The following WNK1 variants were observed in gnomAD, a reference collection of about 807,000 sequenced individuals.
WNK1 encodes serine/threonine-protein kinase WNK1.
WNK1 carries 38 observed loss-of-function variants against 222.8 expected under a neutral mutation model. That is an observed-to-expected ratio of 0.17 (90% CI 0.13 to 0.22). The LOEUF is 0.22. Among genes scored for constraint, WNK1 ranks in the 10% least tolerant of loss-of-function variants. The pLI is 1.00. For missense variants in WNK1, 2,348 were observed against 2,918.4 expected (o/e 0.80, Z 4.50); for synonymous variants, 1,090 against 1,092.9 (o/e 1.00, Z 0.05).
At chr12:756,568 A>G (rs535620899) in intron 1 of WNK1, among the ~76,000 whole-genome samples, 1 of 152,288 alleles carries the variant, frequency 6.6e-6, no homozygotes, top group South Asian at 2.1e-4. Context: ...CTTCCATGTT[A>G]TTTGTCTGTG....
At position 863,966 on chromosome 12, in the gene WNK1, C is replaced by T. The variant is rs867116901; in HGVS notation, c.2139+1696C>T. Among the ~76,000 whole-genome samples, 10 of 152,080 alleles carry T rather than the reference C, an allele frequency of 6.6e-5. 1 individual carries two copies. In the South Asian group the frequency reaches 1.5e-3, roughly 22 times the overall value. The stretch of plus-strand genomic sequence containing the variant: ...CAGATTTGGCCCAAAGCATTCTACA[C>T]AGCCAAGTTTTGGAAATGAAAACAT... On this transcript the variant is annotated intron_variant, in intron 8 of 27. Coordinates refer to ENST00000315939, the MANE Select transcript of WNK1 (RefSeq NM_018979.4).
At chr12:803,030 AAG>A (rs1946034398) in intron 1 of WNK1, among the ~76,000 whole-genome samples, 1 of 152,252 alleles carries the variant, frequency 6.6e-6, no homozygotes, top group Non-Finnish European at 1.5e-5. Flanking sequence ...TCACACAAAA[AAG>A]AAAAAAGAAT....
intron 11 of WNK1, 71 bp from the exon 12 acceptor site, chr12:880,650 C>A: frequency 7.4e-7 from 1 of 1,353,694 alleles, no homozygotes; most frequent in Non-Finnish European, 1.0e-6. Context: ...TTTTTTTTTG[C>A]ATGTCTTGCT....
chr12:837,467 G>A (rs1352039969), intron 4 of WNK1, among the ~76,000 whole-genome samples: 4 of 151,722 alleles, frequency 2.6e-5, no homozygotes, highest in Non-Finnish European at 5.9e-5. Flanking sequence ...CCAGCTACTA[G>A]GGAGGCTGAG....
chr12:878,022 G>T, intron 9 of WNK1, 190 bp from the exon 10 acceptor site: 1 of 689,790 alleles, frequency 1.4e-6, no homozygotes, highest in South Asian at 1.9e-5. Flanking sequence ...TTTCCTGGTG[G>T]CACCATCACA....
intron 8 of WNK1, among the ~76,000 whole-genome samples, chr12:870,066 G>A (rs1158885288): frequency 6.6e-6 from 1 of 152,124 alleles, no homozygotes; most frequent in Non-Finnish European, 1.5e-5. Context: ...AGAAGACTAT[G>A]CAGTTATATA....
Position 878,367 on chromosome 12 carries a change from CTTTTT to C in WNK1, c.2373+17_2373+21del. The C allele has an allele frequency of 6.8e-7, 1 of 1,463,752 alleles. No homozygotes were observed. Among genetic ancestry groups the C allele is most frequent in the South Asian group, 1.2e-5 (1 of 85,500 alleles). 90.7% of individuals were successfully genotyped at this position (1,463,752 alleles called of 1,614,324 possible). ...AAGTATCAGCTGGAAAACAGGTAAACTTTTTTTTTTTTTTTAAACAGGTAAACTCT... is the reference window on the plus strand; with the variant it reads ...AAGTATCAGCTGGAAAACAGGTAAACTTTTTTTTTTAAACAGGTAAACTCT... On this transcript the variant is annotated splice_region_variant and intron_variant, in intron 10 of 27. Transcript: ENST00000315939.
intron 26 of WNK1, among the ~76,000 whole-genome samples, chr12:902,113 A>G (rs1181421537): frequency 6.6e-6 from 1 of 151,748 alleles, no homozygotes; most frequent in Non-Finnish European, 1.5e-5. Context: ...ACCCTGGGCA[A>G]CATGGTGATA....
intron 22 of WNK1, among the ~76,000 whole-genome samples, chr12:891,200 A>G (rs998663532): frequency 1.3e-5 from 2 of 152,144 alleles, no homozygotes; most frequent in African/African-American, 4.8e-5. Flanking sequence ...GTGCAGTGGC[A>G]TCATCTCGAC....
intron 1 of WNK1, among the ~76,000 whole-genome samples, chr12:762,355 T>C (rs1941140781): frequency 1.4e-5 from 2 of 147,896 alleles, no homozygotes; most frequent in Non-Finnish European, 3.0e-5. Flanking sequence ...TCCTCACGTA[T>C]AGTTTAAGTC....
intron 12 of WNK1, 70 bp from the exon 13 acceptor site, chr12:881,619 TAAG>T: frequency 7.9e-7 from 1 of 1,263,308 alleles, no homozygotes; most frequent in Non-Finnish European, 1.2e-6. Context: ...AGGAAAAAAA[TAAG>T]TAGATTATTG....
intron 1 of WNK1, among the ~76,000 whole-genome samples, chr12:772,503 A>T (rs1395954061): frequency 6.6e-6 from 1 of 152,072 alleles, no homozygotes; most frequent in Non-Finnish European, 1.5e-5. Flanking sequence ...CAGCGTAATT[A>T]TGTGTATACA....
At position 885,630 on chromosome 12, in the gene WNK1, A is replaced by G. The variant is rs775933163; in HGVS notation, c.4826A>G (p.Asn1609Ser). The G allele has an allele frequency of 4.3e-5, 70 of 1,614,008 alleles. No individual in the cohort carries two copies. The highest frequency in any genetic ancestry group is 1.6e-4 in the Middle Eastern group (1 of 6,082). The change falls in exon 19 of 28, where the codon AAT becomes AGT. Residue 1609 changes from asparagine to serine, a missense_variant. Coordinates refer to ENST00000315939, the MANE Select transcript of WNK1 (RefSeq NM_018979.4). ...CCACCCTTGGTACAGCCTGTTGCCA[A>G]TGTGCCTGCTGTACAGCAGACACTA... Reference protein sequence around the residue: ...SIPPLVQPVANVPAVQQTLIH... With the variant: ...SIPPLVQPVASVPAVQQTLIH...
At chr12:808,753 A>C (rs1050950270) in intron 1 of WNK1, among the ~76,000 whole-genome samples, 1 of 133,390 alleles carries the variant, frequency 7.5e-6, no homozygotes, top group Non-Finnish European at 1.6e-5. Context: ...AGAAAACTGT[A>C]TCTCTCTCTT....
chr12:876,725 T>A (rs1952648369), intron 9 of WNK1, among the ~76,000 whole-genome samples: 1 of 152,178 alleles, frequency 6.6e-6, no homozygotes, highest in Non-Finnish European at 1.5e-5. Context: ...ACAACCAAAG[T>A]GTTTATCATT....
chr12:766,715 G>A (rs1941746111), intron 1 of WNK1, among the ~76,000 whole-genome samples: 1 of 152,052 alleles, frequency 6.6e-6, no homozygotes, highest in Admixed American at 6.6e-5. Flanking sequence ...CTGACCTCAT[G>A]ATCCGCCTGC....
rs1395280893 is a variant in WNK1 at position 865,258 on chromosome 12, CTT to C, written c.2139+2991_2139+2992del. ...CCTCCTCCGGACTGCCCCGAGGAAA[CTT>C]TTGCCGAAAAGCTTTCTAAAGCATT... On this transcript the variant is annotated intron_variant, in intron 8 of 27. Coordinates refer to ENST00000315939, the MANE Select transcript of WNK1 (RefSeq NM_018979.4). The C allele has an allele frequency of 4.6e-6, 7 of 1,536,024 alleles. No homozygotes were observed. Among genetic ancestry groups the C allele is most frequent in the African/African-American group, 1.4e-5 (1 of 73,040 alleles).
intron 1 of WNK1, among the ~76,000 whole-genome samples, chr12:773,508 A>G (rs1277733881): frequency 6.6e-6 from 1 of 152,216 alleles, no homozygotes; most frequent in East Asian, 1.9e-4. Context: ...ATGTATACTC[A>G]GAGATATCTT....
At chr12:812,171 A>T (rs976815494) in intron 1 of WNK1, among the ~76,000 whole-genome samples, 2 of 152,156 alleles carry the variant, frequency 1.3e-5, no homozygotes, top group Admixed American at 1.3e-4. Flanking sequence ...GACCTTTGCA[A>T]GTTGATCATT....
Sources: allele counts gnomAD v4.1 joint callset (sites outside exome capture counted in the v4.1 genomes callset), GRCh38; gene constraint gnomAD v4.1.1; transcripts MANE v1.5; gene names NCBI Gene and HGNC (gene_info 2026-07-23, HGNC 2026-07-21).